The following CDH2 variants were observed in gnomAD, a reference collection of about 807,000 sequenced individuals.
CDH2 encodes cadherin-2.
In CDH2, 17 loss-of-function variants were observed where a neutral mutation model predicts 92.0. That is an observed-to-expected ratio of 0.18 (90% CI 0.13 to 0.28). The LOEUF (loss-of-function observed/expected upper bound fraction) is 0.28, where lower values mean the gene tolerates loss of function less well. Among genes scored for constraint, CDH2 ranks in the 10% least tolerant of loss-of-function variants. CDH2 has a pLI of 1.00. For synonymous variants in CDH2, 419 were observed against 415.9 expected (o/e 1.01, Z -0.09); for missense variants, 862 against 1,133.1 (o/e 0.76, Z 3.44).
chr18:28,047,868 CAAAAAAAAAA>C (rs149752979), intron 2 of CDH2, among the ~76,000 whole-genome samples: 2 of 46,950 alleles, frequency 4.3e-5, no homozygotes, highest in East Asian at 9.2e-4. Flanking sequence ...GACTCCATCT[CAAAAAAAAAA>C]AAAAAAAAAA....
At chr18:28,080,426 A>G (rs1376966468) in intron 2 of CDH2, among the ~76,000 whole-genome samples, 2 of 152,204 alleles carry the variant, frequency 1.3e-5, no homozygotes, top group Admixed American at 6.5e-5. Context: ...TTTCTGCCAT[A>G]AAGCTGCCTC....
chr18:27,986,720 A>G (rs924243190), intron 11 of CDH2, among the ~76,000 whole-genome samples: 1 of 152,222 alleles, frequency 6.6e-6, no homozygotes, highest in African/African-American at 2.4e-5. Context: ...AATGTTTACC[A>G]ACTTCTATGA....
intron 2 of CDH2, among the ~76,000 whole-genome samples, chr18:28,083,724 G>T (rs992660040): frequency 3.9e-5 from 6 of 152,118 alleles, no homozygotes; most frequent in African/African-American, 1.4e-4. Flanking sequence ...TTTTAAGGTC[G>T]ATTGAAAATA....
At chr18:28,045,447 C>T (rs759084625) in intron 2 of CDH2, 5 of 467,768 alleles carry the variant, frequency 1.1e-5, no homozygotes, top group South Asian at 7.9e-5. Context: ...AACAATGTGG[C>T]CACAGCCTAA....
chr18:28,139,704 A>C (rs1233259441), intron 2 of CDH2, among the ~76,000 whole-genome samples: 1 of 151,832 alleles, frequency 6.6e-6, no homozygotes, highest in Non-Finnish European at 1.5e-5. Flanking sequence ...GATCACTCTT[A>C]CTCAGTCTCC....
chr18:28,135,036 T>C (rs892517909), intron 2 of CDH2, among the ~76,000 whole-genome samples: 3 of 152,124 alleles, frequency 2.0e-5, no homozygotes, highest in Non-Finnish European at 4.4e-5. Context: ...TAATCCAGAC[T>C]GCGTACAGAT....
chr18:28,093,595 A>C (rs546015491), intron 2 of CDH2, among the ~76,000 whole-genome samples: 1 of 152,246 alleles, frequency 6.6e-6, no homozygotes, highest in South Asian at 2.1e-4. Flanking sequence ...ACAAAACAAA[A>C]CACATTAGGA....
chr18:28,012,513 G>T (rs1455818764), intron 3 of CDH2, among the ~76,000 whole-genome samples: 1 of 152,140 alleles, frequency 6.6e-6, no homozygotes, highest in Non-Finnish European at 1.5e-5. Flanking sequence ...GATGGATGCT[G>T]CAGATGACCC....
At chr18:28,004,708 G>C (rs1401157536) in intron 6 of CDH2, among the ~76,000 whole-genome samples, 2 of 152,116 alleles carry the variant, frequency 1.3e-5, no homozygotes. Context: ...TTTTAGTAAG[G>C]AAATGCTGAA....
rs192865689 is a variant in CDH2 at position 28,094,718 on chromosome 18, C to T, written c.172+52955G>A. On this transcript the variant is annotated intron_variant, in intron 2 of 15. Transcript: ENST00000269141. The stretch of plus-strand genomic sequence containing the variant: ...CTGAGGCAGGAGAATGGCGTGAACC[C>T]GGGAAGCGGAGCTTGCAGTGAGCCG... Among the ~76,000 whole-genome samples the T allele has an allele frequency of 1.8e-3, 257 of 142,256 alleles. 2 individuals carry two copies. The highest frequency in any genetic ancestry group is 6.3e-3 in the African/African-American group (242 of 38,336). 93.3% of individuals were successfully genotyped at this position (142,256 alleles called of 152,430 possible).
intron 2 of CDH2, among the ~76,000 whole-genome samples, chr18:28,137,166 A>C (rs539553404): frequency 1.3e-5 from 2 of 152,208 alleles, no homozygotes; most frequent in Non-Finnish European, 2.9e-5. Context: ...CACTAATGAA[A>C]ACCTTCAACT....
chr18:28,017,256 T>C (rs2013275770), intron 2 of CDH2, among the ~76,000 whole-genome samples: 1 of 152,132 alleles, frequency 6.6e-6, no homozygotes, highest in African/African-American at 2.4e-5. Flanking sequence ...ATTTTTTTTC[T>C]TGGCAACTTT....
intron 2 of CDH2, among the ~76,000 whole-genome samples, chr18:28,116,367 T>C (rs2015496324): frequency 6.6e-6 from 1 of 152,190 alleles, no homozygotes; most frequent in South Asian, 2.1e-4. Context: ...AATAATAATG[T>C]GACATTTTTG....
At chr18:28,158,717 CTCTCAT>C (rs941396452) in intron 1 of CDH2, among the ~76,000 whole-genome samples, 1 of 152,186 alleles carries the variant, frequency 6.6e-6, no homozygotes, top group African/African-American at 2.4e-5. Context: ...GCCCTTTTCA[CTCTCAT>C]TATCTCACAA....
chr18:28,084,410 T>C (rs1249770961), intron 2 of CDH2, among the ~76,000 whole-genome samples: 1 of 152,248 alleles, frequency 6.6e-6, no homozygotes, highest in East Asian at 1.9e-4. Flanking sequence ...GTCACCACCA[T>C]TTCAGGAGTT....
At chr18:28,032,896 T>C (rs1039334806) in intron 2 of CDH2, among the ~76,000 whole-genome samples, 1 of 152,036 alleles carries the variant, frequency 6.6e-6, no homozygotes, top group African/African-American at 2.4e-5. Context: ...TAATCTACCA[T>C]TTACAGTGAG....
intron 2 of CDH2, among the ~76,000 whole-genome samples, chr18:28,031,171 T>C (rs933600209): frequency 6.6e-6 from 1 of 151,744 alleles, no homozygotes; most frequent in African/African-American, 2.4e-5. Flanking sequence ...AAGCCAACTC[T>C]GGGTTCACCC....
At chr18:27,945,214 C>T (rs1018757966) in intron 6 of CDH2, among the ~76,000 whole-genome samples, 22 of 151,708 alleles carry the variant, frequency 1.5e-4, no homozygotes, top group Admixed American at 1.2e-3. Flanking sequence ...AAAGCAAGAC[C>T]CGTAAGACTG....
chr18:27,979,082 A>G (rs1567946786), intron 14 of CDH2, among the ~76,000 whole-genome samples: 1 of 152,212 alleles, frequency 6.6e-6, no homozygotes, highest in Non-Finnish European at 1.5e-5. Flanking sequence ...AAAAAGCTAT[A>G]GAATGAGAGA....
Sources: gnomAD v4.1 joint callset for allele counts (sites outside exome capture counted in the v4.1 genomes callset) on GRCh38, gnomAD v4.1.1 for gene constraint, MANE v1.5 for transcripts, NCBI Gene and HGNC (gene_info 2026-07-23, HGNC 2026-07-21) for gene names.